Variants in MYL10 observed in about 807,000 individuals in gnomAD.
The protein encoded by MYL10 is myosin regulatory light chain 10.
A neutral mutation model predicts 21.9 loss-of-function variants in MYL10; 18 were observed. The ratio of observed to expected loss-of-function variants is 0.82; its 90% CI spans 0.57 to 1.22. MYL10 has a LOEUF of 1.22. MYL10 is among the 50% of genes most tolerant of loss of function. The pLI is 0.00. For missense variants in MYL10, 225 were observed against 230.4 expected, an observed-to-expected ratio of 0.98 and a Z score of 0.15; for synonymous variants, 88 against 82.8, an observed-to-expected ratio of 1.06 and a Z score of -0.34.
At chr7:101,621,190 C>A (rs1291299002) in intron 5 of MYL10, among the ~76,000 whole-genome samples, 1 of 152,094 alleles carries the variant, frequency 6.6e-6, no homozygotes, top group African/African-American at 2.4e-5. Context: ...TGGCTCCAAC[C>A]CTCCACCCCA....
At chr7:101,617,740 C>G (rs1313856375) in intron 5 of MYL10, among the ~76,000 whole-genome samples, 2 of 151,884 alleles carry the variant, frequency 1.3e-5, no homozygotes, top group Non-Finnish European at 2.9e-5. Flanking sequence ...GTGCCTCCCC[C>G]ATCAGACTGG....
intron 6 of MYL10, among the ~76,000 whole-genome samples, chr7:101,616,008 A>T (rs1209297151): frequency 6.6e-6 from 1 of 151,712 alleles, no homozygotes; most frequent in Non-Finnish European, 1.5e-5. Flanking sequence ...CTGACCCACC[A>T]TTTCTTATCC....
At chr7:101,624,542 C>T (rs78194533) in intron 1 of MYL10, among the ~76,000 whole-genome samples, 70 of 152,328 alleles carry the variant, frequency 4.6e-4, no homozygotes, top group African/African-American at 1.3e-3. Flanking sequence ...AGCCGGTGCC[C>T]GTGCTGCAGA....
Position 101,616,225 on chromosome 7 carries a change from G to A in MYL10, c.528C>T (p.Ala176=), listed in dbSNP as rs200101379. 17 of 1,613,806 alleles carry A rather than the reference G, an allele frequency of 1.1e-5. No homozygotes were observed. The highest frequency in any genetic ancestry group is 6.7e-5 in the East Asian group (3 of 44,864). The change falls in exon 6 of 8, where the codon GCC becomes GCT. Residue 176 remains alanine (A), a synonymous_variant. Coordinates refer to ENST00000223167, the MANE Select transcript of MYL10 (RefSeq NM_138403.5). ...FDTEGKGFVK[A]DVIKEKLMTQ... ...GGGAGTCAGGGGAAACTTACACATCGGCCTTGACGAAACCTTTCCCTTCAG... is the reference window on the plus strand; with the variant it reads ...GGGAGTCAGGGGAAACTTACACATCAGCCTTGACGAAACCTTTCCCTTCAG...
chr7:101,627,063 G>A (rs1014801444), intron 1 of MYL10, among the ~76,000 whole-genome samples: 19 of 151,756 alleles, frequency 1.3e-4, no homozygotes, highest in Non-Finnish European at 2.4e-4. Flanking sequence ...AGGCCGAAGC[G>A]GGTGAATCAC....
intron 1 of MYL10, among the ~76,000 whole-genome samples, chr7:101,626,625 G>T (rs980856384): frequency 1.3e-5 from 2 of 152,132 alleles, no homozygotes; most frequent in Non-Finnish European, 2.9e-5. Context: ...GTGAACAGGG[G>T]GACCTCGGAG....
intron 4 of MYL10, among the ~76,000 whole-genome samples, chr7:101,622,467 C>T (rs1320300131): frequency 2.0e-5 from 3 of 152,128 alleles, no homozygotes; most frequent in African/African-American, 7.2e-5. Flanking sequence ...AGCTGAGGTG[C>T]ACGGGGGCTG....
intron 1 of MYL10, among the ~76,000 whole-genome samples, chr7:101,628,730 A>G (rs1796774223): frequency 6.6e-6 from 1 of 152,200 alleles, no homozygotes; most frequent in Admixed American, 6.5e-5. Context: ...CAGGGCCGGC[A>G]GTGCTGGGTT....
At chr7:101,624,839 C>G (rs1796726048) in intron 1 of MYL10, among the ~76,000 whole-genome samples, 1 of 152,048 alleles carries the variant, frequency 6.6e-6, no homozygotes, top group African/African-American at 2.4e-5. Context: ...AATGCCTTCC[C>G]TGGAGAATCT....
intron 6 of MYL10, among the ~76,000 whole-genome samples, chr7:101,615,528 CT>C (rs1165166790): frequency 1.9e-4 from 29 of 149,342 alleles, no homozygotes; most frequent in African/African-American, 7.2e-4. Flanking sequence ...GCAGCCAACT[CT>C]GAACAAACAT....
chr7:101,624,129 T>C (rs1796715688), intron 2 of MYL10, 43 bp downstream of exon 2: 1 of 1,301,560 alleles, frequency 7.7e-7, no homozygotes, highest in South Asian at 1.2e-5. Flanking sequence ...CTGGCATGCA[T>C]TCCAAGAATC....
chr7:101,614,377 G>T (rs1796584826), intron 6 of MYL10, among the ~76,000 whole-genome samples: 1 of 152,232 alleles, frequency 6.6e-6, no homozygotes, highest in Admixed American at 6.5e-5. Context: ...GACAGTCACA[G>T]TTTCCAGCTC....
intron 2 of MYL10, 38 bp from the exon 3 acceptor site, chr7:101,624,059 T>C (rs1443323896): frequency 2.9e-6 from 2 of 697,920 alleles, no homozygotes; most frequent in African/African-American, 3.6e-5. Context: ...ATAATAGTAA[T>C]AATGACATCT....
intron 1 of MYL10, 23 bp downstream of exon 1, chr7:101,629,018 A>T: frequency 2.2e-6 from 1 of 452,010 alleles, no homozygotes; most frequent in African/African-American, 2.0e-5. Flanking sequence ...GTGGGGCCAG[A>T]GGCCAGGCAC....
At chr7:101,619,821 C>T (rs1796654795) in intron 5 of MYL10, among the ~76,000 whole-genome samples, 1 of 138,426 alleles carries the variant, frequency 7.2e-6, no homozygotes, top group Non-Finnish European at 1.5e-5. Context: ...ACCCGGGAGG[C>T]ATAGCTTGCA....
chr7:101,618,160 C>T (rs1056074690), intron 5 of MYL10, among the ~76,000 whole-genome samples: 2 of 152,236 alleles, frequency 1.3e-5, no homozygotes, highest in Non-Finnish European at 2.9e-5. Context: ...CCTGGGAACT[C>T]CTAGAGGGCA....
chr7:101,625,118 G>A (rs1423333556), intron 1 of MYL10, among the ~76,000 whole-genome samples: 1 of 152,206 alleles, frequency 6.6e-6, no homozygotes, highest in African/African-American at 2.4e-5. Flanking sequence ...CCAGTGCTTG[G>A]AAATAGCTGC....
intron 1 of MYL10, among the ~76,000 whole-genome samples, chr7:101,627,034 G>T (rs1049594324): frequency 5.9e-5 from 9 of 152,030 alleles, no homozygotes; most frequent in African/African-American, 2.2e-4. Flanking sequence ...GCTCACGCCT[G>T]TAATCCCAGC....
At chr7:101,620,680 G>A (rs999124648) in intron 5 of MYL10, among the ~76,000 whole-genome samples, 7 of 152,276 alleles carry the variant, frequency 4.6e-5, no homozygotes, top group African/African-American at 1.7e-4. Context: ...GCCTAGCCAA[G>A]GCAGGGGGTT....
Sources: allele counts gnomAD v4.1 joint callset (sites outside exome capture counted in the v4.1 genomes callset), GRCh38; gene constraint gnomAD v4.1.1; transcripts MANE v1.5; gene names NCBI Gene and HGNC (gene_info 2026-07-23, HGNC 2026-07-21).